COMMD1: variants seen among roughly 807,000 people sequenced by gnomAD.
The protein encoded by COMMD1 is COMM domain-containing protein 1.
A neutral mutation model predicts 17.2 loss-of-function variants in COMMD1; 10 were observed. That is an observed-to-expected ratio of 0.58 (90% CI 0.36 to 0.99). The LOEUF is 0.99. COMMD1 is among the 50% of genes least tolerant of loss of function. COMMD1 has a pLI of 0.01. For missense variants in COMMD1, 270 were observed against 231.8 expected (o/e 1.17, Z -1.07); for synonymous variants, 97 against 91.6 (o/e 1.06, Z -0.34).
At position 62,052,420 on chromosome 2, in the gene COMMD1, G is replaced by A. The variant is rs116428516; in HGVS notation, c.462+51438G>A. Among the ~76,000 whole-genome samples, 1,222 of 152,130 alleles carry A rather than the reference G, an allele frequency of 8.0e-3. 23 individuals are homozygous for A. The highest frequency in any genetic ancestry group is 0.029 in the African/African-American group (1,185 of 41,512). On this transcript the variant is annotated intron_variant, in intron 2 of 2. Coordinates refer to ENST00000311832, the MANE Select transcript of COMMD1 (RefSeq NM_152516.4). ...AGTCCGGAGATAGGCTCTGTCCCAC[G>A]TATCTTCAGGGTCCTAGACTTTTCC...
At chr2:61,921,923 T>C (rs1315896283) in intron 1 of COMMD1, among the ~76,000 whole-genome samples, 1 of 150,496 alleles carries the variant, frequency 6.6e-6, no homozygotes, top group African/African-American at 2.4e-5. Flanking sequence ...ACAGTTATTC[T>C]TGTTCTTTAT....
intron 1 of COMMD1, among the ~76,000 whole-genome samples, chr2:61,959,797 G>A (rs138217916): frequency 2.8e-4 from 42 of 152,292 alleles, no homozygotes; most frequent in Non-Finnish European, 4.9e-4. Context: ...TGCAGAAAGG[G>A]TGCTACTCAA....
chr2:61,940,691 CTTTT>C (rs557857376), intron 1 of COMMD1, among the ~76,000 whole-genome samples: 1 of 143,902 alleles, frequency 6.9e-6, no homozygotes, highest in Non-Finnish European at 1.5e-5. Flanking sequence ...GGGATGAATT[CTTTT>C]TTTTTTTTTT....
At chr2:62,101,497 C>G (rs1443527432) in intron 2 of COMMD1, among the ~76,000 whole-genome samples, 1 of 152,132 alleles carries the variant, frequency 6.6e-6, no homozygotes, top group Non-Finnish European at 1.5e-5. Flanking sequence ...GTAGTTCTAG[C>G]TATTCAGGAG....
chr2:61,923,982 G>T (rs1002733751), intron 1 of COMMD1, among the ~76,000 whole-genome samples: 3 of 152,258 alleles, frequency 2.0e-5, no homozygotes, highest in African/African-American at 7.2e-5. Flanking sequence ...TCGCCATGTT[G>T]CCCAGGCTGA....
intron 2 of COMMD1, among the ~76,000 whole-genome samples, chr2:62,019,953 G>C (rs184198035): frequency 6.6e-6 from 1 of 152,284 alleles, no homozygotes; most frequent in Non-Finnish European, 1.5e-5. Flanking sequence ...TTCAGCCACA[G>C]ATTATTTACA....
At chr2:61,961,089 C>T (rs1431483460) in intron 1 of COMMD1, among the ~76,000 whole-genome samples, 1 of 152,218 alleles carries the variant, frequency 6.6e-6, no homozygotes, top group Non-Finnish European at 1.5e-5. Flanking sequence ...CACGTTGGAG[C>T]ACCAAATTGT....
At chr2:62,059,295 C>G (rs953986830) in intron 2 of COMMD1, among the ~76,000 whole-genome samples, 4 of 151,900 alleles carry the variant, frequency 2.6e-5, no homozygotes, top group African/African-American at 9.7e-5. Context: ...GCTGGGACCA[C>G]AAGTGCAAGC....
intron 2 of COMMD1, among the ~76,000 whole-genome samples, chr2:62,018,702 G>A (rs1049780571): frequency 6.6e-6 from 1 of 152,200 alleles, no homozygotes; most frequent in Non-Finnish European, 1.5e-5. Flanking sequence ...GTATCCTATA[G>A]TGTGTCCTCT....
At chr2:61,919,585 T>A (rs986356816) in intron 1 of COMMD1, among the ~76,000 whole-genome samples, 31 of 151,220 alleles carry the variant, frequency 2.0e-4, no homozygotes, top group African/African-American at 7.3e-4. Flanking sequence ...AGTTTTTATC[T>A]ATTCACAGAC....
intron 1 of COMMD1, among the ~76,000 whole-genome samples, chr2:61,944,581 C>A (rs1167854688): frequency 6.6e-6 from 1 of 152,198 alleles, no homozygotes; most frequent in Non-Finnish European, 1.5e-5. Context: ...TGTCCTCAGC[C>A]ACTCTTAACT....
At chr2:62,095,645 G>A (rs978419408) in intron 2 of COMMD1, among the ~76,000 whole-genome samples, 10 of 149,932 alleles carry the variant, frequency 6.7e-5, no homozygotes, top group Admixed American at 3.3e-4. Flanking sequence ...GACAATAATC[G>A]TATAAGTGCA....
At chr2:62,040,779 C>T (rs1039633808) in intron 2 of COMMD1, among the ~76,000 whole-genome samples, 7 of 151,892 alleles carry the variant, frequency 4.6e-5, no homozygotes, top group Non-Finnish European at 7.4e-5. Flanking sequence ...GGCGCGATCT[C>T]GACTCACTGC....
At position 62,065,853 on chromosome 2, in the gene COMMD1, G is replaced by T. The variant is rs941039048; in HGVS notation, c.462+64871G>T. ...AGGAACCATTTAATTGGAAACCTCTGTGATGATTTGAATTGTTATGCAGTT... is the reference window on the plus strand; with the variant it reads ...AGGAACCATTTAATTGGAAACCTCTTTGATGATTTGAATTGTTATGCAGTT... On this transcript the variant is annotated intron_variant, in intron 2 of 2. Transcript: ENST00000311832. Among the ~76,000 whole-genome samples, 3 of 152,190 alleles carry T rather than the reference G, an allele frequency of 2.0e-5. 1 individual carries two copies. Among genetic ancestry groups the T allele is most frequent in the Non-Finnish European group, 4.4e-5 (3 of 68,034 alleles).
chr2:61,955,795 C>T (rs1671182926), intron 1 of COMMD1, among the ~76,000 whole-genome samples: 1 of 152,276 alleles, frequency 6.6e-6, no homozygotes, highest in African/African-American at 2.4e-5. Flanking sequence ...AAGTGATTCT[C>T]CTGCCTCAGC....
At chr2:62,128,335 G>GAA (rs55646038) in intron 2 of COMMD1, among the ~76,000 whole-genome samples, 83 of 124,142 alleles carry the variant, frequency 6.7e-4, no homozygotes, top group African/African-American at 8.6e-4. Context: ...CTAAAAAAAA[G>GAA]AAAAAAAAAA....
chr2:62,016,336 G>C (rs1280418187), intron 2 of COMMD1, among the ~76,000 whole-genome samples: 1 of 150,676 alleles, frequency 6.6e-6, no homozygotes. Flanking sequence ...AGCCACCTGA[G>C]TAGCTGGGAC....
At chr2:62,018,522 T>C (rs1669515073) in intron 2 of COMMD1, among the ~76,000 whole-genome samples, 1 of 152,222 alleles carries the variant, frequency 6.6e-6, no homozygotes, top group East Asian at 1.9e-4. Flanking sequence ...CTCCCAATCA[T>C]GTCAGATCAC....
chr2:61,943,330 C>T (rs1025749517), intron 1 of COMMD1, among the ~76,000 whole-genome samples: 3 of 152,178 alleles, frequency 2.0e-5, no homozygotes, highest in African/African-American at 7.2e-5. Flanking sequence ...AGAGGGACCA[C>T]TCTCCTTGTG....
Sources: gnomAD v4.1 joint callset for allele counts (sites outside exome capture counted in the v4.1 genomes callset) on GRCh38, gnomAD v4.1.1 for gene constraint, MANE v1.5 for transcripts, NCBI Gene and HGNC (gene_info 2026-07-23, HGNC 2026-07-21) for gene names.